Variants in SHTN1 observed in about 807,000 individuals in gnomAD.
The protein encoded by SHTN1 is shootin 1.
Under a neutral mutation model 83.1 loss-of-function variants are expected in SHTN1, and 42 were observed. The observed-to-expected ratio is 0.51, with a 90% CI of 0.39 to 0.65. The LOEUF (loss-of-function observed/expected upper bound fraction) is 0.65, where lower values mean the gene tolerates loss of function less well. Among genes scored for constraint, SHTN1 ranks in the 30% least tolerant of loss-of-function variants. The pLI is 0.00. For missense variants in SHTN1, 622 were observed against 737.8 expected (o/e 0.84, Z 1.82); for synonymous variants, 224 against 247.7 (o/e 0.90, Z 0.90).
At chr10:116,962,648 A>T (rs911398020) in intron 3 of SHTN1, among the ~76,000 whole-genome samples, 20 of 152,280 alleles carry the variant, frequency 1.3e-4, no homozygotes, top group African/African-American at 4.8e-4. Context: ...AACAAAAAAA[A>T]CATTTATTTT....
At chr10:117,031,909 A>C (rs1589903687) in intron 2 of SHTN1, among the ~76,000 whole-genome samples, 1 of 152,294 alleles carries the variant, frequency 6.6e-6, no homozygotes, top group East Asian at 1.9e-4. Context: ...ACTTATCAAT[A>C]ATAACAGTGA....
chr10:117,063,858 T>C (rs544951109), intron 1 of SHTN1, among the ~76,000 whole-genome samples: 6 of 152,352 alleles, frequency 3.9e-5, no homozygotes, highest in African/African-American at 1.2e-4. Flanking sequence ...ATGTTACTTT[T>C]TCAAAGGCCT....
chr10:116,925,223 T>G (rs188313397), intron 11 of SHTN1, among the ~76,000 whole-genome samples: 1 of 152,324 alleles, frequency 6.6e-6, no homozygotes, highest in East Asian at 1.9e-4. Flanking sequence ...GTAGACTGAG[T>G]AAAGCAGATG....
intron 1 of SHTN1, among the ~76,000 whole-genome samples, chr10:116,996,244 A>G (rs1489370423): frequency 6.6e-6 from 1 of 152,108 alleles, no homozygotes; most frequent in East Asian, 1.9e-4. Flanking sequence ...ATTGTTTTTG[A>G]GATTTTATTA....
At chr10:117,076,663 G>A (rs910903053) in intron 1 of SHTN1, among the ~76,000 whole-genome samples, 4 of 152,160 alleles carry the variant, frequency 2.6e-5, no homozygotes, top group African/African-American at 9.7e-5. Flanking sequence ...TTCAAATATC[G>A]AAAGTTATTT....
intron 14 of SHTN1, 30 bp from the exon 15 acceptor site, chr10:116,906,777 G>A (rs769346526): frequency 6.3e-7 from 1 of 1,577,138 alleles, no homozygotes; most frequent in East Asian, 2.3e-5. Context: ...AAAACAAAAA[G>A]GTTAATGTCT....
At position 117,029,626 on chromosome 10, in the gene SHTN1, G is replaced by T. The variant is rs1174960186; in HGVS notation, c.-123+18819C>A. On this transcript the variant is annotated intron_variant, in intron 2 of 17. Transcript: ENST00000392901. ...ACCATCCCCTTGATGCTGTCCTCAG[G>T]ATAGTGAGTGCTCGTGAGCTCTGGT... 3.3e-5 allele frequency among the ~76,000 whole-genome samples: 5 copies of T among 152,242 alleles called. No homozygotes were observed. The East Asian group carries it at 9.7e-4, about 29-fold the overall frequency.
intron 1 of SHTN1, among the ~76,000 whole-genome samples, chr10:117,115,131 T>C (rs1853827769): frequency 6.6e-6 from 1 of 152,208 alleles, no homozygotes; most frequent in South Asian, 2.1e-4. Context: ...CCCACAAAAT[T>C]GTGCCTATAA....
At chr10:117,093,899 C>G (rs537783967) in intron 1 of SHTN1, among the ~76,000 whole-genome samples, 1 of 152,138 alleles carries the variant, frequency 6.6e-6, no homozygotes, top group African/African-American at 2.4e-5. Flanking sequence ...ACTCAAGTAA[C>G]AAACCTGGGT....
chr10:116,923,185 G>C (rs1375790346), intron 11 of SHTN1, among the ~76,000 whole-genome samples: 1 of 152,056 alleles, frequency 6.6e-6, no homozygotes, highest in Non-Finnish European at 1.5e-5. Context: ...CTTTGGAAAA[G>C]GATCAAAGGA....
intron 1 of SHTN1, among the ~76,000 whole-genome samples, chr10:117,112,644 A>G (rs144803191): frequency 2.0e-5 from 3 of 152,340 alleles, no homozygotes; most frequent in Non-Finnish European, 4.4e-5. Context: ...TTAATGAGAA[A>G]TAGAACTGGG....
At chr10:117,031,509 CTAAA>C (rs1354647869) in intron 2 of SHTN1, among the ~76,000 whole-genome samples, 3 of 152,044 alleles carry the variant, frequency 2.0e-5, no homozygotes, top group Non-Finnish European at 4.4e-5. Context: ...AGTAAAACGA[CTAAA>C]TGATGAACAA....
Position 116,915,387 on chromosome 10 carries a change from T to C in SHTN1, c.1293A>G (p.Arg431=), listed in dbSNP as rs150520599. The change falls in exon 13 of 17, where the codon AGA becomes AGG. Residue 431 remains arginine (R), a synonymous_variant. Transcript: ENST00000355371. ...VHLRPVNQTA[R]PKTKPESSKG... is the part of the protein sequence containing the mutation. ...AGTCACTCCATACCTTTGTCTTCGG[T>C]CTGGCTGTCTGATTAACGGGTCTAA... is the stretch of plus-strand genomic sequence containing the variant. 1.9e-5 allele frequency: 30 copies of C among 1,573,476 alleles called. No individual in the cohort carries two copies. The highest frequency in any genetic ancestry group is 2.4e-5 in the Non-Finnish European group (27 of 1,143,216).
rs1226044370 is a variant in SHTN1, at chr10:116,954,210, G to A, written c.268C>T (p.Leu90=). 1 of 1,588,072 alleles carries A rather than the reference G, an allele frequency of 6.3e-7. No homozygotes were observed. The highest frequency in any genetic ancestry group is 2.2e-5 in the East Asian group (1 of 44,524). The stretch of plus-strand genomic sequence containing the variant: ...TTCAACGTTTTATTTTCTTTATTTA[G>A]CTAAGACAAAATATAAAAACAGTTA... The part of the protein sequence containing the change: ...RESAEALATK[L]NKENKTLKRI... The change falls in exon 5 of 17, where the codon CTA becomes TTA. Residue 90 remains leucine (L), a splice_region_variant and synonymous_variant. Coordinates refer to ENST00000355371, the MANE Select transcript of SHTN1 (RefSeq NM_001127211.3).
intron 15 of SHTN1, among the ~76,000 whole-genome samples, chr10:116,906,136 G>C (rs1256116032): frequency 6.6e-6 from 1 of 152,256 alleles, no homozygotes; most frequent in Non-Finnish European, 1.5e-5. Context: ...CATGCACATT[G>C]CTAAGCATTT....
At chr10:116,986,978 C>T (rs1477890861) in intron 1 of SHTN1, among the ~76,000 whole-genome samples, 1 of 152,014 alleles carries the variant, frequency 6.6e-6, no homozygotes, top group Non-Finnish European at 1.5e-5. Context: ...CCACCCGCCT[C>T]GGCCTCCTAA....
chr10:116,953,909 G>A (rs1210227624), intron 5 of SHTN1, 133 bp downstream of exon 5: 35 of 716,006 alleles, frequency 4.9e-5, no homozygotes, highest in South Asian at 8.4e-5. Flanking sequence ...GATTACAGGC[G>A]TGAGCCACCA....
intron 2 of SHTN1, among the ~76,000 whole-genome samples, chr10:117,011,369 G>A (rs1852100357): frequency 6.6e-6 from 1 of 152,130 alleles, no homozygotes; most frequent in African/African-American, 2.4e-5. Context: ...TCCCCATTGA[G>A]TGGTCTTGGT....
intron 2 of SHTN1, among the ~76,000 whole-genome samples, chr10:117,038,540 G>A (rs981607118): frequency 1.3e-5 from 2 of 152,154 alleles, no homozygotes; most frequent in Middle Eastern, 3.4e-3. Flanking sequence ...GAAAACCTCT[G>A]TCAAGAGAAT....
Sources: allele counts gnomAD v4.1 joint callset (sites outside exome capture counted in the v4.1 genomes callset), GRCh38; gene constraint gnomAD v4.1.1; transcripts MANE v1.5; gene names NCBI Gene and HGNC (gene_info 2026-07-23, HGNC 2026-07-21).